Variants in OSBPL3 observed in about 807,000 individuals in gnomAD.
The protein encoded by OSBPL3 is oxysterol binding protein like 3.
Under a neutral mutation model 120.1 loss-of-function variants are expected in OSBPL3, and 65 were observed. The observed-to-expected ratio is 0.54, with a 90% CI of 0.44 to 0.67. OSBPL3 has a LOEUF of 0.67. OSBPL3 is among the 30% of genes least tolerant of loss of function. The pLI, the probability that OSBPL3 is intolerant of heterozygous loss-of-function variation, is 0.00. For synonymous variants in OSBPL3, 416 were observed against 402.6 expected (o/e 1.03, Z -0.40); for missense variants, 1,004 against 1,082.1 (o/e 0.93, Z 1.01).
At position 24,965,802 on chromosome 7, in the gene OSBPL3, C is replaced by T. The variant is rs1816308495; in HGVS notation, c.-150+14084G>A. Among the ~76,000 whole-genome samples the T allele has an allele frequency of 1.3e-5, 2 of 152,200 alleles. No individual in the cohort carries two copies. Among genetic ancestry groups the T allele is most frequent in the South Asian group, 4.1e-4 (2 of 4,834 alleles). Reference sequence around the variant, plus strand: ...CTAACCTCAAGCAATCCTCCCACCTCAGCCTCCCAAAGTGTTGGGATTACA... The same window carrying T: ...CTAACCTCAAGCAATCCTCCCACCTTAGCCTCCCAAAGTGTTGGGATTACA... On this transcript the variant is annotated intron_variant, in intron 1 of 22. Transcript: ENST00000313367. The surrounding 1 kb of genome is among the most constrained non-coding windows in gnomAD (Gnocchi z 4.3).
rs927710750 is a variant in OSBPL3 at position 24,923,280 on chromosome 7, C to A, written c.-149-30659G>T. Among the ~76,000 whole-genome samples, 4 of 152,214 alleles carry A rather than the reference C, an allele frequency of 2.6e-5. No homozygotes were observed. The East Asian group carries it at 7.8e-4, about 29-fold the overall frequency. On this transcript the variant is annotated intron_variant, in intron 1 of 22. Transcript: ENST00000313367. ...AGCGTCTCTGCTCCTCAGCAACCTG[C>A]TCCTAGAACCAGCCTCTTCCACTCT...
chr7:24,907,825 C>T (rs1808170100), intron 1 of OSBPL3, among the ~76,000 whole-genome samples: 1 of 152,188 alleles, frequency 6.6e-6, no homozygotes. Context: ...ATCCTGACTG[C>T]TAGATGTTGG....
At chr7:24,958,045 A>C (rs553572239) in intron 1 of OSBPL3, among the ~76,000 whole-genome samples, 55 of 152,124 alleles carry the variant, frequency 3.6e-4, no homozygotes, top group Non-Finnish European at 6.5e-4. Context: ...TTACTGTCAT[A>C]ATCTTTTGCT....
rs1286786166 is a variant in OSBPL3, at chr7:24,964,100, A to G, written c.-150+15786T>C. Reference sequence around the variant, plus strand: ...ATATAATAAATATCAATGGATCCACACTGATTAAAAAAAACTGATTGAATA... The same window carrying G: ...ATATAATAAATATCAATGGATCCACGCTGATTAAAAAAAACTGATTGAATA... On this transcript the variant is annotated intron_variant, in intron 1 of 22. Transcript: ENST00000313367. The surrounding 1 kb of genome is among the most constrained non-coding windows in gnomAD (Gnocchi z 4.2). Among the ~76,000 whole-genome samples the G allele has an allele frequency of 6.6e-6, 1 of 152,184 alleles. No homozygotes were observed. Among genetic ancestry groups the G allele is most frequent in the Non-Finnish European group, 1.5e-5 (1 of 68,028 alleles).
chr7:24,950,234 G>A (rs1033842437), intron 1 of OSBPL3, among the ~76,000 whole-genome samples: 1 of 152,126 alleles, frequency 6.6e-6, no homozygotes, highest in South Asian at 2.1e-4. Flanking sequence ...GTTGACATGT[G>A]CATACAAAAA....
rs890721882 is a variant in OSBPL3 at position 24,849,300 on chromosome 7, C to A, written c.1159-124G>T. On this transcript the variant is annotated intron_variant, in intron 11 of 22. Transcript: ENST00000313367. This position sits in a 1 kb window ranked among gnomAD's most constrained non-coding sequence, Gnocchi z 5.4. ...AACTCTTAGTGACGTGGTCTGACAGCGCACTTTCTGGACTTTTTCCTTGAA... is the reference window on the plus strand; with the variant it reads ...AACTCTTAGTGACGTGGTCTGACAGAGCACTTTCTGGACTTTTTCCTTGAA... The A allele has an allele frequency of 4.5e-6, 3 of 664,958 alleles. No individual in the cohort carries two copies. The highest frequency in any genetic ancestry group is 7.7e-6 in the Non-Finnish European group (3 of 389,802). The allele number at this position is 664,958 out of a possible 1,614,324, so 41.2% of individuals were successfully genotyped here.
At position 24,821,527 on chromosome 7, in the gene OSBPL3, G is replaced by A. The variant is rs1008160882; in HGVS notation, c.1885-1289C>T. Among the ~76,000 whole-genome samples, 1 of 152,142 alleles carries A rather than the reference G, an allele frequency of 6.6e-6. No homozygotes were observed. Among genetic ancestry groups the A allele is most frequent in the African/African-American group, 2.4e-5 (1 of 41,424 alleles). ...CATGGTTTGAAAACTACTTCTGTATGCCAGGCCTCCAGCAGGAGGACTGCA... is the reference window on the plus strand; with the variant it reads ...CATGGTTTGAAAACTACTTCTGTATACCAGGCCTCCAGCAGGAGGACTGCA... On this transcript the variant is annotated intron_variant, in intron 16 of 22. Transcript: ENST00000313367. The surrounding 1 kb of genome is among the most constrained non-coding windows in gnomAD (Gnocchi z 5.5).
intron 19 of OSBPL3, among the ~76,000 whole-genome samples, chr7:24,812,697 T>C (rs1377903650): frequency 6.6e-6 from 1 of 152,206 alleles, no homozygotes; most frequent in African/African-American, 2.4e-5. Flanking sequence ...ACTAATCATG[T>C]TGAATGGCAT....
At chr7:24,926,301 G>T (rs1430134486) in intron 1 of OSBPL3, among the ~76,000 whole-genome samples, 1 of 152,090 alleles carries the variant, frequency 6.6e-6, no homozygotes, top group Non-Finnish European at 1.5e-5. Flanking sequence ...ACAAATAAGA[G>T]GTCATCTAGC....
chr7:24,934,412 C>T (rs1396600620), intron 1 of OSBPL3, among the ~76,000 whole-genome samples: 1 of 152,138 alleles, frequency 6.6e-6, no homozygotes, highest in Non-Finnish European at 1.5e-5. Flanking sequence ...AAACAAAACA[C>T]CTTCATTTAC....
Position 24,800,226 on chromosome 7 carries a change from T to TA in OSBPL3, c.2620_2621insT (p.Lys874IlefsTer18). ...GTCCAGTTTGGAAAAACCAAGATCTTTTCTAAGTTCCAAATAGGTGCCGTT... is the reference window on the plus strand; with the variant it reads ...GTCCAGTTTGGAAAAACCAAGATCTTATTCTAAGTTCCAAATAGGTGCCGTT... On this transcript the variant is annotated frameshift_variant, in exon 23 of 23. Transcript: ENST00000313367. LOFTEE classifies it high-confidence loss of function. 6.2e-7 allele frequency: 1 copy of TA among 1,612,504 alleles called. No homozygotes were observed. Among genetic ancestry groups the TA allele is most frequent in the Non-Finnish European group, 8.5e-7 (1 of 1,178,612 alleles).
rs1324513059 is a variant in OSBPL3, at chr7:24,797,288, G to A, written c.*2895C>T. On this transcript the variant is annotated 3_prime_UTR_variant, in exon 23 of 23. Coordinates refer to ENST00000313367, the MANE Select transcript of OSBPL3 (RefSeq NM_015550.4). This position sits in a 1 kb window ranked among gnomAD's most constrained non-coding sequence, Gnocchi z 4.8. ...AGCAGAATATGAGAAAAGCAGCAGT[G>A]TAAATGACGTAAACATTAAAAAATA... 6.6e-6 allele frequency: 1 copy of A among 152,198 alleles called. No homozygotes were observed. Among genetic ancestry groups the A allele is most frequent in the East Asian group, 1.9e-4 (1 of 5,198 alleles). The allele number at this position is 152,198 out of a possible 1,614,324, so 9.4% of individuals were successfully genotyped here.
At chr7:24,885,388 C>A (rs1007775088) in intron 2 of OSBPL3, among the ~76,000 whole-genome samples, 4 of 152,056 alleles carry the variant, frequency 2.6e-5, no homozygotes, top group Non-Finnish European at 4.4e-5. Context: ...GGCCCTGAGC[C>A]CAGCCAGGCT....
intron 22 of OSBPL3, among the ~76,000 whole-genome samples, chr7:24,801,243 C>CAAAAA (rs397976980): frequency 1.4e-5 from 1 of 73,964 alleles, no homozygotes. Flanking sequence ...GACTCCTTCT[C>CAAAAA]AAAAAAAAAA....
intron 1 of OSBPL3, among the ~76,000 whole-genome samples, chr7:24,910,447 A>C (rs987002755): frequency 3.3e-5 from 5 of 152,186 alleles, no homozygotes; most frequent in Non-Finnish European, 7.3e-5. Flanking sequence ...AGAAATACTT[A>C]TGAATAAATG....
chr7:24,914,838 C>T (rs958867089), intron 1 of OSBPL3, among the ~76,000 whole-genome samples: 1 of 152,130 alleles, frequency 6.6e-6, no homozygotes, highest in African/African-American at 2.4e-5. Context: ...ACTGTGTCAC[C>T]ACAAGAGATG....
chr7:24,814,925 C>T, intron 19 of OSBPL3, 134 bp downstream of exon 19: 1 of 793,140 alleles, frequency 1.3e-6, no homozygotes, highest in Non-Finnish European at 2.1e-6. Context: ...GCAGCTGGGA[C>T]CAAGGAGCTC....
At position 24,835,560 on chromosome 7, in the gene OSBPL3, T is replaced by G. The variant is rs1796894367; in HGVS notation, c.1496-824A>C. ...CCACTCAACTCAGCAATCCCATTAC[T>G]GACTATATACCCAAAGGAATATATA... On this transcript the variant is annotated intron_variant, in intron 14 of 22. Transcript: ENST00000313367. The surrounding 1 kb of genome is among the most constrained non-coding windows in gnomAD (Gnocchi z 4.8). 6.6e-6 allele frequency among the ~76,000 whole-genome samples: 1 copy of G among 152,176 alleles called. No homozygotes were observed. The highest frequency in any genetic ancestry group is 1.5e-5 in the Non-Finnish European group (1 of 68,042).
At position 24,806,696 on chromosome 7, in the gene OSBPL3, G is replaced by T; in HGVS notation, c.2444+80C>A. 2 of 1,325,596 alleles carry T rather than the reference G, an allele frequency of 1.5e-6. No homozygotes were observed. The highest frequency in any genetic ancestry group is 2.1e-6 in the Non-Finnish European group (2 of 958,402). The allele number at this position is 1,325,596 out of a possible 1,614,324, so 82.1% of individuals were successfully genotyped here. On this transcript the variant is annotated intron_variant, in intron 21 of 22. Coordinates refer to ENST00000313367, the MANE Select transcript of OSBPL3 (RefSeq NM_015550.4). This position sits in a 1 kb window ranked among gnomAD's most constrained non-coding sequence, Gnocchi z 5.2. ...TTTTCCACCTTTCTCAGGTGCCTCT[G>T]GTGGCCTAAGGATTGTTAATAAGAC...
Sources: allele counts gnomAD v4.1 joint callset (sites outside exome capture counted in the v4.1 genomes callset), GRCh38; gene constraint gnomAD v4.1.1; non-coding constraint Gnocchi (gnomAD v3.1); transcripts MANE v1.5; gene names NCBI Gene and HGNC (gene_info 2026-07-23, HGNC 2026-07-21).